OGA: variants seen among roughly 807,000 people sequenced by gnomAD.
OGA encodes the protein O-GlcNAcase.
OGA carries 21 observed loss-of-function variants against 102.0 expected under a neutral mutation model. That is an observed-to-expected ratio of 0.21 (90% confidence interval 0.15 to 0.30). The LOEUF (loss-of-function observed/expected upper bound fraction) is 0.30. OGA is among the 10% of genes least tolerant of loss of function. OGA has a pLI of 1.00. For missense variants in OGA, 765 were observed against 1,107.8 expected (o/e 0.69, Z 4.39); for synonymous variants, 408 against 378.2 (o/e 1.08, Z -0.91).
At chr10:101,795,803 G>T (rs910828328) in intron 10 of OGA, 12 of 695,670 alleles carry the variant, frequency 1.7e-5, no homozygotes, top group Non-Finnish European at 2.1e-5. Context: ...TAGTTGATGA[G>T]CTTAAAAAAA....
chr10:101,786,167 ACTCT>A lies in OGA; in HGVS notation c.*280_*283del. The A allele has an allele frequency of 4.0e-6, 1 of 247,770 alleles. No homozygotes were observed. The highest frequency in any genetic ancestry group is 7.6e-6 in the Non-Finnish European group (1 of 131,048). 15.3% of individuals were successfully genotyped at this position (247,770 alleles called of 1,614,324 possible). On this transcript the variant is annotated 3_prime_UTR_variant, in exon 16 of 16. Transcript: ENST00000361464. ...ATAGTGCTGACTACATTTATTGAAG[ACTCT>A]CTCCCTGTATAAGCCCATGTAAAAG...
At chr10:101,817,627 A>AG (rs1014812226) in intron 1 of OGA, among the ~76,000 whole-genome samples, 197 bp downstream of exon 1, 10 of 152,226 alleles carry the variant, frequency 6.6e-5, no homozygotes, top group African/African-American at 2.4e-4. Context: ...GTGAGTGGCC[A>AG]GGGGGGAATT....
chr10:101,795,742 TG>T, intron 10 of OGA: 1 of 236,334 alleles, frequency 4.2e-6, no homozygotes, highest in Non-Finnish European at 6.9e-6. Flanking sequence ...TTGGCTTCCC[TG>T]GGCCACACTG....
At chr10:101,797,658 A>G in intron 10 of OGA, 1 of 477,034 alleles carries the variant, frequency 2.1e-6, no homozygotes. Context: ...ATAGTGTCTC[A>G]TCTCCAAATC....
At chr10:101,803,218 T>C (rs1200741410) in intron 7 of OGA, among the ~76,000 whole-genome samples, 1 of 151,414 alleles carries the variant, frequency 6.6e-6, no homozygotes, top group Non-Finnish European at 1.5e-5. Context: ...CTCAAGAGTA[T>C]CTAGTTATCT....
At position 101,800,262 on chromosome 10, in the gene OGA, C is replaced by G; in HGVS notation, c.1175G>C (p.Gly392Ala). ...LALTEWLQEF[G>A]VPHQYSSRQV... ...CTCACTGCTGTATTGATGAGGCACA[C>G]CAAACTCTTGCAACCATTCTGTTAA... The change falls in exon 8 of 16, where the codon GGT becomes GCT. Residue 392 changes from glycine to alanine, a missense_variant. Around this residue, in one of 7 missense-constraint regions of OGA, gnomAD observed 281 missense variants for 345.8 expected, o/e 0.81. Coordinates refer to ENST00000361464, the MANE Select transcript of OGA (RefSeq NM_012215.5). 1 of 1,614,090 alleles carries G rather than the reference C, an allele frequency of 6.2e-7. No homozygotes were observed. Among genetic ancestry groups the G allele is most frequent in the Non-Finnish European group, 8.5e-7 (1 of 1,179,950 alleles).
rs749028151 is a variant in OGA, at chr10:101,786,497, A to G, written c.2705T>C (p.Met902Thr). The G allele has an allele frequency of 6.2e-7, 1 of 1,612,690 alleles. No individual in the cohort carries two copies. Among genetic ancestry groups the G allele is most frequent in the South Asian group, 1.1e-5 (1 of 90,540 alleles). Residue 902 changes from methionine (M) to threonine (T), a missense_variant, in exon 16 of 16, where the codon ATG (methionine) becomes ACG (threonine). By Grantham distance (81) the Met-to-Thr change is moderately conservative. Coordinates refer to ENST00000361464, the MANE Select transcript of OGA (RefSeq NM_012215.5). ...SKLGCFEIAK[M>T]EGFPKDVVIL... ...AACCACATCCTTTGGAAATCCTTCCATTTTTGCAATTTCAAAACATCCTAA... is the reference window on the plus strand; with the variant it reads ...AACCACATCCTTTGGAAATCCTTCCGTTTTTGCAATTTCAAAACATCCTAA...
At position 101,784,758 on chromosome 10, in the gene OGA, T is replaced by A. The variant is rs749400520; in HGVS notation, c.*1693A>T. On this transcript the variant is annotated 3_prime_UTR_variant, in exon 16 of 16. Coordinates refer to ENST00000361464, the MANE Select transcript of OGA (RefSeq NM_012215.5). The stretch of plus-strand genomic sequence containing the variant: ...AATCCTCCAAACAAAATGCTAGAAT[T>A]GTCCACTAGTGTTAAGACGAGAAAA... The A allele has an allele frequency of 2.0e-5, 3 of 152,224 alleles. No homozygotes were observed. Among genetic ancestry groups the A allele is most frequent in the Non-Finnish European group, 2.9e-5 (2 of 68,028 alleles). 9.4% of individuals were successfully genotyped at this position (152,224 alleles called of 1,614,324 possible).
At chr10:101,810,150 A>T in intron 4 of OGA, 34 bp downstream of exon 4, 1 of 1,565,688 alleles carries the variant, frequency 6.4e-7, no homozygotes, top group Non-Finnish European at 8.7e-7. Context: ...TCAAGTACAT[A>T]GTCAGGAAAA....
At position 101,799,426 on chromosome 10, in the gene OGA, C is replaced by T. The variant is rs1398124561; in HGVS notation, c.1225G>A (p.Ala409Thr). The change falls in exon 9 of 16, where the codon GCA (alanine) becomes ACA (threonine). Residue 409 changes from alanine (A) to threonine (T), a missense_variant. Physicochemically the swap from Ala to Thr is moderately conservative, Grantham distance 58. Around this residue, in one of 7 missense-constraint regions of OGA, gnomAD observed 281 missense variants for 345.8 expected, o/e 0.81. Coordinates refer to ENST00000361464, the MANE Select transcript of OGA (RefSeq NM_012215.5). ...AAAGGAGTCCCATCAACTACACTTG[C>T]TTTAGCTCCACTGTGTGCAACTTGC... ...SRQVAHSGAK[A>T]SVVDGTPLVA... 1 of 1,613,852 alleles carries T rather than the reference C, an allele frequency of 6.2e-7. No individual in the cohort carries two copies. Among genetic ancestry groups the T allele is most frequent in the Non-Finnish European group, 8.5e-7 (1 of 1,179,816 alleles).
Position 101,791,061 on chromosome 10 carries a change from G to A in OGA, c.2289C>T (p.Ser763=), listed in dbSNP as rs757140326. Residue 763 remains serine, a synonymous_variant, in exon 14 of 16, where the codon AGC becomes AGT. Transcript: ENST00000361464. ...CTTCTAGGACAAAGCAGTAATCCAG[G>A]CTGAGGGAAAGCAGCCCTCCTACTA... ...DKLVGGLLSL[S]LDYCFVLEDE... The A allele has an allele frequency of 4.3e-6, 7 of 1,610,930 alleles. No individual in the cohort carries two copies. The South Asian group carries it at 6.6e-5, about 15-fold the overall frequency.
At chr10:101,787,260 A>C (rs1205310011) in intron 15 of OGA, 104 bp downstream of exon 15, 2 of 1,178,614 alleles carry the variant, frequency 1.7e-6, no homozygotes, top group East Asian at 2.4e-5. Flanking sequence ...AGGTGGGAAA[A>C]GCAGTATAAA....
At chr10:101,806,543 T>C (rs1016494499) in intron 5 of OGA, among the ~76,000 whole-genome samples, 7 of 152,184 alleles carry the variant, frequency 4.6e-5, no homozygotes, top group Non-Finnish European at 7.3e-5. Context: ...ATAAAAGGCC[T>C]CCTACAAGGA....
Position 101,800,879 on chromosome 10 carries a change from A to G in OGA, c.1037-479T>C, listed in dbSNP as rs1389417577. ...AACCTCCGCCTCACAGGTTCAAGCA[A>G]TTCTCCCACCTGAGCCTCCCCAGTA... On this transcript the variant is annotated intron_variant, in intron 7 of 15. Coordinates refer to ENST00000361464, the MANE Select transcript of OGA (RefSeq NM_012215.5). Among the ~76,000 whole-genome samples, 4 of 151,142 alleles carry G rather than the reference A, an allele frequency of 2.6e-5. No homozygotes were observed. In the East Asian group the frequency reaches 7.9e-4, roughly 30 times the overall value.
intron 15 of OGA, among the ~76,000 whole-genome samples, chr10:101,787,036 C>CTTT (rs77806430): frequency 7.1e-6 from 1 of 140,080 alleles, no homozygotes; most frequent in South Asian, 2.3e-4. Flanking sequence ...CGTGCCCGGC[C>CTTT]TTTTTTTTTT....
Position 101,792,817 on chromosome 10 carries a change from TGGTA to T in OGA, c.2175+18_2175+21del, listed in dbSNP as rs1160360282. ...TGTGCACCATACCCATACACCAAGTTGGTAGGTAGAGAGACAATTACCTCATCCT... is the reference window on the plus strand; with the variant it reads ...TGTGCACCATACCCATACACCAAGTTGGTAGAGAGACAATTACCTCATCCT... On this transcript the variant is annotated intron_variant, in intron 12 of 15. Transcript: ENST00000361464. 6.6e-7 allele frequency: 1 copy of T among 1,512,828 alleles called. No homozygotes were observed. The highest frequency in any genetic ancestry group is 9.2e-7 in the Non-Finnish European group (1 of 1,088,478). 93.7% of individuals were successfully genotyped at this position (1,512,828 alleles called of 1,614,324 possible). A position where few individuals can be genotyped will look rare whatever the true frequency, so the allele number is the denominator to read the frequency against.
intron 6 of OGA, among the ~76,000 whole-genome samples, chr10:101,804,736 G>T (rs1156966609): frequency 1.3e-5 from 2 of 151,962 alleles, no homozygotes; most frequent in African/African-American, 4.8e-5. Context: ...GACTACAGGT[G>T]TGCCCCACCA....
At chr10:101,809,753 T>G (rs1042183890) in intron 4 of OGA, among the ~76,000 whole-genome samples, 4 of 148,622 alleles carry the variant, frequency 2.7e-5, no homozygotes, top group African/African-American at 7.4e-5. Context: ...AAAAAAATTC[T>G]TATAGAAACA....
At chr10:101,806,398 G>A (rs1350337735) in intron 5 of OGA, among the ~76,000 whole-genome samples, 1 of 152,184 alleles carries the variant, frequency 6.6e-6, no homozygotes, top group African/African-American at 2.4e-5. Flanking sequence ...TAGAGATGGG[G>A]TTTCACCATG....
Sources: allele counts gnomAD v4.1 joint callset (sites outside exome capture counted in the v4.1 genomes callset), GRCh38; gene constraint gnomAD v4.1.1; regional missense constraint gnomAD v4.1.1; transcripts MANE v1.5; gene names NCBI Gene and HGNC (gene_info 2026-07-23, HGNC 2026-07-21).